MDM4: variants seen among roughly 807,000 people sequenced by gnomAD.
MDM4 encodes the protein MDM4 regulator of p53.
A neutral mutation model predicts 60.2 loss-of-function variants in MDM4; 2 were observed. That is an observed-to-expected ratio of 0.03 (90% CI 0.01 to 0.10). MDM4 has a LOEUF of 0.10. Among genes scored for constraint, MDM4 ranks in the 10% least tolerant of loss-of-function variants. MDM4 has a pLI of 1.00. For missense variants in MDM4, 447 were observed against 577.5 expected, an observed-to-expected ratio of 0.77 and a Z score of 2.32; for synonymous variants, 202 against 198.1, an observed-to-expected ratio of 1.02 and a Z score of -0.17.
intron 1 of MDM4, among the ~76,000 whole-genome samples, chr1:204,523,635 C>T (rs1186143356): frequency 1.3e-5 from 2 of 151,768 alleles, no homozygotes; most frequent in East Asian, 3.9e-4. Context: ...AGGCTCGTGC[C>T]ATGCCCAGCT....
intron 1 of MDM4, among the ~76,000 whole-genome samples, chr1:204,523,913 G>T (rs117724569): frequency 2.6e-5 from 4 of 152,152 alleles, no homozygotes; most frequent in African/African-American, 9.6e-5. Flanking sequence ...GGGTTGGACC[G>T]CACAGTCTAA....
At chr1:204,548,803 A>G (rs1662916771) in intron 10 of MDM4, among the ~76,000 whole-genome samples, 1 of 152,216 alleles carries the variant, frequency 6.6e-6, no homozygotes, top group African/African-American at 2.4e-5. Context: ...AAATAACTCC[A>G]AAGAAGCCCA....
intron 3 of MDM4, among the ~76,000 whole-genome samples, chr1:204,527,471 T>C (rs1433517502): frequency 6.6e-6 from 1 of 152,078 alleles, no homozygotes; most frequent in African/African-American, 2.4e-5. Context: ...CTGACCAACA[T>C]GGAGAAACCC....
intron 3 of MDM4, chr1:204,528,893 A>C: frequency 6.3e-7 from 1 of 1,594,142 alleles, no homozygotes; most frequent in Non-Finnish European, 8.6e-7. Flanking sequence ...AGCTGAGCCG[A>C]ATGTTGCCTT....
At chr1:204,537,919 T>G (rs1661582978) in intron 6 of MDM4, 1 of 696,556 alleles carries the variant, frequency 1.4e-6, no homozygotes, top group African/African-American at 1.7e-5. Context: ...GAATTATGCC[T>G]AATTTTGTAG....
In MDM4 at chr1:204,529,355, G is replaced by T. The variant is rs1239788684; in HGVS notation, c.154-1329G>T. The T allele has an allele frequency of 3.6e-6, 3 of 842,078 alleles. No individual in the cohort carries two copies. In the Admixed American group the frequency reaches 5.4e-5, roughly 15 times the overall value. The allele number at this position is 842,078 out of a possible 1,614,324, so 52.2% of individuals were successfully genotyped here. ...ACCAGGAGTAGGCCTCATCCATATTGGGAGGGGAGCCACCCTGTCCATGAG... is the reference window on the plus strand; with the variant it reads ...ACCAGGAGTAGGCCTCATCCATATTTGGAGGGGAGCCACCCTGTCCATGAG... On this transcript the variant is annotated intron_variant, in intron 3 of 10. Coordinates refer to ENST00000367182, the MANE Select transcript of MDM4 (RefSeq NM_002393.5).
At chr1:204,534,338 G>A (rs1661170588) in intron 5 of MDM4, among the ~76,000 whole-genome samples, 1 of 152,094 alleles carries the variant, frequency 6.6e-6, no homozygotes, top group African/African-American at 2.4e-5. Flanking sequence ...GATACATGGA[G>A]GATTTTATAA....
At chr1:204,528,012 G>A (rs1018756269) in intron 3 of MDM4, among the ~76,000 whole-genome samples, 4 of 149,274 alleles carry the variant, frequency 2.7e-5, no homozygotes, top group East Asian at 3.9e-4. Flanking sequence ...TAAGCACATC[G>A]TTTTGGAGTA....
At chr1:204,528,917 C>T (rs1660544286) in intron 3 of MDM4, 1 of 1,568,964 alleles carries the variant, frequency 6.4e-7, no homozygotes, top group Non-Finnish European at 8.7e-7. Context: ...CAGCTGTGTC[C>T]TTCTCCCGGA....
rs200960621 is a variant in MDM4 at position 204,556,098 on chromosome 1, G to GA, written c.*6425dup. On this transcript the variant is annotated 3_prime_UTR_variant, in exon 11 of 11. Transcript: ENST00000367182. ...ATAATAAAACTCTGGTCTCCCTTAA[G>GA]AAAAAAAAACCCTTCCACCTTTACT... 645 of 216,984 alleles carry GA rather than the reference G, an allele frequency of 3.0e-3. 1 individual carries two copies. Among genetic ancestry groups the GA allele is most frequent in the Middle Eastern group, 0.02 (14 of 698 alleles). 13.4% of individuals were successfully genotyped at this position (216,984 alleles called of 1,614,324 possible).
At chr1:204,545,826 C>T (rs561675125) in intron 9 of MDM4, among the ~76,000 whole-genome samples, 2 of 152,166 alleles carry the variant, frequency 1.3e-5, no homozygotes, top group East Asian at 3.9e-4. Context: ...CATACCTGGC[C>T]TAGGAAACGT....
At chr1:204,517,178 G>C (rs1032498412) in intron 1 of MDM4, among the ~76,000 whole-genome samples, 2 of 151,604 alleles carry the variant, frequency 1.3e-5, no homozygotes, top group East Asian at 2.0e-4. Flanking sequence ...GTGGGCGGGG[G>C]TTGCAGTGAG....
intron 1 of MDM4, among the ~76,000 whole-genome samples, chr1:204,517,824 G>T (rs1180272459): frequency 2.0e-5 from 3 of 151,660 alleles, no homozygotes; most frequent in Non-Finnish European, 4.4e-5. Context: ...CTGTATCTCA[G>T]TTTAGATTTA....
chr1:204,555,484 C>T lies in MDM4; in HGVS notation c.*5802C>T. The T allele has an allele frequency of 6.0e-6, 1 of 167,154 alleles. No homozygotes were observed. Among genetic ancestry groups the T allele is most frequent in the Non-Finnish European group, 1.3e-5 (1 of 76,428 alleles). 10.4% of individuals were successfully genotyped at this position (167,154 alleles called of 1,614,324 possible). ...CTCCATTTCTTAAGGTAAAGAGGGT[C>T]AAGGATACCTAAAAAGGGTCAAATA... On this transcript the variant is annotated 3_prime_UTR_variant, in exon 11 of 11. Transcript: ENST00000367182.
intron 5 of MDM4, among the ~76,000 whole-genome samples, chr1:204,536,211 C>T (rs964353640): frequency 2.6e-5 from 4 of 152,310 alleles, no homozygotes; most frequent in African/African-American, 4.8e-5. Flanking sequence ...GAGATTGCGC[C>T]ACTGCTCTCC....
chr1:204,528,874 C>G (rs899873086), intron 3 of MDM4: 1 of 1,588,252 alleles, frequency 6.3e-7, no homozygotes, highest in Non-Finnish European at 8.6e-7. Context: ...ATGGTGACGA[C>G]GTCCTTGAAG....
chr1:204,525,640 TTTAA>T, intron 2 of MDM4, 44 bp downstream of exon 2: 1 of 1,360,724 alleles, frequency 7.3e-7, no homozygotes, highest in Non-Finnish European at 1.0e-6. Context: ...TTTTTTTTTT[TTTAA>T]TTTTTAAAAA....
chr1:204,551,317 A>G lies in MDM4; in HGVS notation c.*1635A>G, dbSNP rs1405478060. The G allele has an allele frequency of 4.3e-6, 1 of 231,002 alleles. No individual in the cohort carries two copies. Among genetic ancestry groups the G allele is most frequent in the African/African-American group, 2.2e-5 (1 of 45,122 alleles). The allele number at this position is 231,002 out of a possible 1,614,324, so 14.3% of individuals were successfully genotyped here. A position where few individuals can be genotyped will look rare whatever the true frequency, so the allele number is the denominator to read the frequency against. On this transcript the variant is annotated 3_prime_UTR_variant, in exon 11 of 11. Transcript: ENST00000367182. ...TGCCTCAGCCTCTCAAAGTGCTAGG[A>G]TTGCAGTCCTGAGCTACTGCCCCCT...
chr1:204,521,432 C>G (rs1000526386), intron 1 of MDM4, among the ~76,000 whole-genome samples: 2 of 151,954 alleles, frequency 1.3e-5, no homozygotes, highest in African/African-American at 2.4e-5. Flanking sequence ...ACCTCGAGAC[C>G]GTTGAGTAAG....
Sources: gnomAD v4.1 joint callset for allele counts (sites outside exome capture counted in the v4.1 genomes callset) on GRCh38, gnomAD v4.1.1 for gene constraint, MANE v1.5 for transcripts, NCBI Gene and HGNC (gene_info 2026-07-23, HGNC 2026-07-21) for gene names.